Variants in KLHL4 observed in about 807,000 individuals in gnomAD.
KLHL4 encodes the protein kelch like family member 4.
KLHL4 carries 17 observed loss-of-function variants against 45.8 expected under a neutral mutation model. That is an observed-to-expected ratio of 0.37 (90% confidence interval 0.25 to 0.56). The LOEUF (loss-of-function observed/expected upper bound fraction) is 0.56. KLHL4 is among the 20% of genes least tolerant of loss of function. KLHL4 has a pLI of 0.79. For synonymous variants in KLHL4, 224 were observed against 189.9 expected (o/e 1.18, Z -1.47); for missense variants, 544 against 544.9 (o/e 1.00, Z 0.02).
At chrX:87,625,558 T>C in intron 5 of KLHL4, 52 bp from the exon 6 acceptor site, 3 of 1,008,242 alleles carry the variant, frequency 3.0e-6, no homozygotes, top group South Asian at 2.3e-5. Context: ...ACAAATACGT[T>C]CTTTCTAATG....
chrX:87,617,867 A>G (rs775464529), intron 3 of KLHL4, 65 bp from the exon 4 acceptor site: 1 of 956,568 alleles, frequency 1.0e-6, no homozygotes, highest in Admixed American at 3.0e-5. Flanking sequence ...AAAAATGTCA[A>G]CTAGTTGACG....
At chrX:87,644,245 T>C (rs1923556734) in intron 9 of KLHL4, among the ~76,000 whole-genome samples, 1 of 111,737 alleles carries the variant, frequency 8.9e-6, no homozygotes, top group African/African-American at 3.3e-5. Context: ...GTAGCTCTTC[T>C]ATACACCAAC....
chrX:87,533,527 G>C (rs1931353627), intron 1 of KLHL4, among the ~76,000 whole-genome samples: 1 of 100,725 alleles, frequency 9.9e-6, no homozygotes, highest in Admixed American at 1.1e-4. Flanking sequence ...TCACAGGAAG[G>C]GGAATATCAC....
At chrX:87,532,126 G>C (rs1931301288) in intron 1 of KLHL4, among the ~76,000 whole-genome samples, 1 of 109,524 alleles carries the variant, frequency 9.1e-6, no homozygotes, top group South Asian at 4.0e-4. Context: ...TGTAAGGAAG[G>C]GATCCAGTTT....
At chrX:87,520,122 G>A (rs1379722526) in intron 1 of KLHL4, among the ~76,000 whole-genome samples, 1 of 111,732 alleles carries the variant, frequency 8.9e-6, no homozygotes, top group Non-Finnish European at 1.9e-5. Context: ...AGGCAGGAGG[G>A]GCTAAATTGA....
intron 9 of KLHL4, among the ~76,000 whole-genome samples, chrX:87,641,096 C>T (rs1001365215): frequency 1.8e-5 from 2 of 111,732 alleles, no homozygotes; most frequent in African/African-American, 6.5e-5. Flanking sequence ...TGCAGAGGCT[C>T]GCATTGTGAA....
intron 9 of KLHL4, among the ~76,000 whole-genome samples, chrX:87,642,621 C>T (rs1021866500): frequency 1.5e-4 from 17 of 111,784 alleles, no homozygotes; most frequent in East Asian, 1.4e-3. Flanking sequence ...CAGAAAAAGG[C>T]GAAGCCCAAT....
At chrX:87,653,519 C>T (rs889924957) in intron 9 of KLHL4, among the ~76,000 whole-genome samples, 8 of 111,924 alleles carry the variant, frequency 7.1e-5, no homozygotes, top group African/African-American at 2.6e-4. Flanking sequence ...AATGCTTTTA[C>T]ACTGTTGGTG....
intron 10 of KLHL4, among the ~76,000 whole-genome samples, chrX:87,665,247 TAATA>T (rs201234842): frequency 0.014 from 1,591 of 111,733 alleles, 14 homozygotes; most frequent in Non-Finnish European, 0.022. Flanking sequence ...AATACTTCAG[TAATA>T]AATAAATAAA....
At chrX:87,619,257 A>C (rs1035131798) in intron 4 of KLHL4, among the ~76,000 whole-genome samples, 1 of 111,991 alleles carries the variant, frequency 8.9e-6, no homozygotes, top group Non-Finnish European at 1.9e-5. Flanking sequence ...TTTAGAATAG[A>C]GATGCATATA....
chrX:87,602,439 C>T (rs978300147), intron 1 of KLHL4, among the ~76,000 whole-genome samples: 1 of 110,963 alleles, frequency 9.0e-6, no homozygotes, highest in South Asian at 3.8e-4. Context: ...ATTGGTATAC[C>T]ATTTTTTTAT....
intron 1 of KLHL4, among the ~76,000 whole-genome samples, chrX:87,554,328 T>C (rs1931914161): frequency 1.1e-5 from 1 of 92,887 alleles, no homozygotes; most frequent in Non-Finnish European, 2.1e-5. Flanking sequence ...ATTTTCACGA[T>C]ATTGATTCTT....
chrX:87,665,347 C>T (rs977107366), intron 10 of KLHL4, among the ~76,000 whole-genome samples: 1 of 111,702 alleles, frequency 9.0e-6, no homozygotes, highest in African/African-American at 3.3e-5. Context: ...CAAATATCTG[C>T]CCTTTTTATT....
intron 5 of KLHL4, 136 bp downstream of exon 5, chrX:87,622,559 G>A: frequency 2.5e-6 from 1 of 400,968 alleles, no homozygotes; most frequent in Non-Finnish European, 4.2e-6. Flanking sequence ...TTTCACAGAA[G>A]AACATATTCA....
At chrX:87,556,343 T>TA (rs1272234758) in intron 1 of KLHL4, among the ~76,000 whole-genome samples, 5 of 109,896 alleles carry the variant, frequency 4.5e-5, no homozygotes, top group Non-Finnish European at 9.5e-5. Context: ...TACGCAGCCA[T>TA]AAAAAATGAT....
chrX:87,626,039 A>C (rs1183159767), intron 6 of KLHL4, among the ~76,000 whole-genome samples: 1 of 112,004 alleles, frequency 8.9e-6, no homozygotes, highest in Non-Finnish European at 1.9e-5. Context: ...AGATTTGAAT[A>C]TTTACTTTGC....
At chrX:87,609,461 G>A (rs1602442072) in intron 1 of KLHL4, among the ~76,000 whole-genome samples, 1 of 111,857 alleles carries the variant, frequency 8.9e-6, no homozygotes, top group Admixed American at 9.5e-5. Flanking sequence ...TCTAACTGGT[G>A]TGAGGTGGTA....
chrX:87,585,105 A>G (rs1253226043), intron 1 of KLHL4, among the ~76,000 whole-genome samples: 1 of 111,536 alleles, frequency 9.0e-6, no homozygotes, highest in Non-Finnish European at 1.9e-5. Context: ...AATAACAAAA[A>G]AAACCTTTTA....
intron 9 of KLHL4, among the ~76,000 whole-genome samples, chrX:87,639,561 C>G (rs781683108): frequency 3.8e-4 from 42 of 111,368 alleles, no homozygotes; most frequent in African/African-American, 1.3e-3. Context: ...AGAAGAAACC[C>G]TCAAAACCAT....
Sources: allele counts gnomAD v4.1 joint callset (sites outside exome capture counted in the v4.1 genomes callset), GRCh38; gene constraint gnomAD v4.1.1; transcripts MANE v1.5; gene names NCBI Gene and HGNC (gene_info 2026-07-23, HGNC 2026-07-21).